RNF135: variants seen among roughly 807,000 people sequenced by gnomAD.
The protein encoded by RNF135 is E3 ubiquitin-protein ligase RNF135.
Under a neutral mutation model 41.9 loss-of-function variants are expected in RNF135, and 46 were observed. The observed-to-expected ratio is 1.10, with a 90% CI of 0.87 to 1.40. The LOEUF (loss-of-function observed/expected upper bound fraction) is 1.40. Among genes scored for constraint, RNF135 ranks in the 40% most tolerant of loss-of-function variants. The probability of loss-of-function intolerance (pLI) is 0.00; values close to 1 mark genes in which losing one functional copy is unlikely to be tolerated. For missense variants in RNF135, 539 were observed against 549.8 expected (o/e 0.98, Z 0.20); for synonymous variants, 238 against 223.8 (o/e 1.06, Z -0.57).
At chr17:30,965,373 G>GTATGTA in the RNF135 span, 1 of 151,306 alleles carries the variant, frequency 6.6e-6, no homozygotes, top group African/African-American at 2.4e-5. Flanking sequence ...ACCCAAAAAT[G>GTATGTA]TATATATATA....
intron 1 of RNF135, among the ~76,000 whole-genome samples, chr17:30,977,378 T>C (rs1906552136): frequency 6.6e-6 from 1 of 152,136 alleles, no homozygotes; most frequent in South Asian, 2.1e-4. Context: ...TTTTGTTTTG[T>C]TTTGTTTTGT....
intron 3 of RNF135, among the ~76,000 whole-genome samples, chr17:30,988,518 C>T (rs1434472507): frequency 2.1e-5 from 3 of 142,894 alleles, no homozygotes; most frequent in Non-Finnish European, 4.5e-5. Context: ...AGCTCTGCCT[C>T]CTGGGTTCAT....
chr17:30,991,398 T>G (rs1907975924), intron 3 of RNF135, among the ~76,000 whole-genome samples: 1 of 151,252 alleles, frequency 6.6e-6, no homozygotes, highest in Non-Finnish European at 1.5e-5. Flanking sequence ...ATACTGCGCG[T>G]TTTTTTTCTC....
At position 30,971,433 on chromosome 17, in the gene RNF135, G is replaced by T. The variant is rs7224960; in HGVS notation, c.360G>T (p.Pro120=). The T allele has an allele frequency of 0.041, 61,589 of 1,512,858 alleles. 15,405 individuals are homozygous for T. In the African/African-American group the frequency reaches 0.65, roughly 16 times the overall value. 93.7% of individuals were successfully genotyped at this position (1,512,858 alleles called of 1,614,324 possible). A position where few individuals can be genotyped will look rare whatever the true frequency, so the allele number is the denominator to read the frequency against. Residue 120 remains proline, a synonymous_variant, in exon 1 of 5, where the codon CCG becomes CCT. Coordinates refer to ENST00000328381, the MANE Select transcript of RNF135 (RefSeq NM_032322.4). ...CGGCCGCGAGGCCCCGGCGCCGCCC[G>T]GAACTGCAGCGGGTAGGGAGGCCGG... ...SSAAARPRRR[P]ELQRVAVEKS...
upstream of RNF135, among the ~76,000 whole-genome samples, chr17:30,966,393 ATTATTTTTTT>A (rs1567732267): frequency 1.6e-5 from 2 of 125,892 alleles, no homozygotes; most frequent in African/African-American, 1.0e-4. Flanking sequence ...GTTTTATTTT[ATTATTTTTTT>A]ATTTTATTTT....
the RNF135 span, among the ~76,000 whole-genome samples, chr17:30,963,543 C>T: frequency 1.3e-5 from 2 of 151,350 alleles, no homozygotes; most frequent in East Asian, 3.9e-4. Flanking sequence ...CTGCACACTC[C>T]AGCCTGGGTG....
At chr17:30,972,823 T>G (rs1598075637) in intron 1 of RNF135, 1 of 152,308 alleles carries the variant, frequency 6.6e-6, no homozygotes, top group Admixed American at 6.5e-5. Context: ...GTTGCCAGGC[T>G]GGAGTGTAGT....
At chr17:30,969,759 CT>C (rs757330088), upstream of RNF135, among the ~76,000 whole-genome samples, 251 of 122,626 alleles carry the variant, frequency 2.0e-3, 2 homozygotes, top group African/African-American at 3.2e-3. Context: ...TCTTTTTTTT[CT>C]TTTTTTTTTT....
chr17:30,990,279 T>C (rs1907895988), intron 3 of RNF135, among the ~76,000 whole-genome samples: 1 of 152,066 alleles, frequency 6.6e-6, no homozygotes, highest in Non-Finnish European at 1.5e-5. Context: ...TCCCAGCACT[T>C]TGTGAGGCCA....
chr17:30,985,975 T>G lies in RNF135; in HGVS notation c.516+1215T>G, dbSNP rs114036627. ...TTTCCCTCCATCACTTAGGTAATAC[T>G]TGCTCATCCTTCAGATCCTAGCTAG... On this transcript the variant is annotated intron_variant, in intron 2 of 4. Transcript: ENST00000328381. Among the ~76,000 whole-genome samples, 797 of 152,268 alleles carry G rather than the reference T, an allele frequency of 5.2e-3. 11 individuals carry two copies. The highest frequency in any genetic ancestry group is 0.018 in the African/African-American group (759 of 41,548).
At chr17:30,978,593 T>C (rs1443719148) in intron 1 of RNF135, 1 of 143,358 alleles carries the variant, frequency 7.0e-6, no homozygotes, top group Non-Finnish European at 1.5e-5. Flanking sequence ...TTATTTCTTT[T>C]TTTTATTTAT....
At chr17:30,975,836 C>T (rs2142668318) in intron 1 of RNF135, 2 of 920,568 alleles carry the variant, frequency 2.2e-6, no homozygotes, top group East Asian at 2.5e-5. Flanking sequence ...CAGAATAGTC[C>T]ATTTTGGCTG....
chr17:30,999,089 G>GT lies in RNF135; in HGVS notation c.1198dup (p.Tyr400LeufsTer2). ...CAGTGGACAATCAGGAGAAGCTTCT[G>GT]TATGAGTGTACCATCTCTGCCTCCT... is the stretch of plus-strand genomic sequence containing the variant. On this transcript the variant is annotated frameshift_variant, in exon 5 of 5. Transcript: ENST00000328381. LOFTEE classifies it high-confidence loss of function. 6.2e-7 allele frequency: 1 copy of GT among 1,614,166 alleles called. No homozygotes were observed. The highest frequency in any genetic ancestry group is 1.1e-5 in the South Asian group (1 of 91,080).
In RNF135 at chr17:30,971,251, C is replaced by A. The variant is rs772032124; in HGVS notation, c.178C>A (p.Pro60Thr). Residue 60 changes from proline to threonine, a missense_variant, in exon 1 of 5, where the codon CCC becomes ACC. Physicochemically the swap from Pro to Thr is conservative, Grantham distance 38. Coordinates refer to ENST00000328381, the MANE Select transcript of RNF135 (RefSeq NM_032322.4). ...CCGCGACGCCCGCCGCTGGGCCTGCCCCACTTGCCGCCAGGGCGCCGCGCA... is the reference window on the plus strand; with the variant it reads ...CCGCGACGCCCGCCGCTGGGCCTGCACCACTTGCCGCCAGGGCGCCGCGCA... ...GARDARRWAC[P>T]TCRQGAAQQP... The A allele has an allele frequency of 6.6e-7, 1 of 1,521,854 alleles. No individual in the cohort carries two copies. The highest frequency in any genetic ancestry group is 8.8e-7 in the Non-Finnish European group (1 of 1,140,026). The allele number at this position is 1,521,854 out of a possible 1,614,324, so 94.3% of individuals were successfully genotyped here.
At chr17:30,977,725 C>T (rs1319032260) in intron 1 of RNF135, among the ~76,000 whole-genome samples, 7 of 151,954 alleles carry the variant, frequency 4.6e-5, no homozygotes, top group African/African-American at 1.7e-4. Flanking sequence ...CCCACCACCA[C>T]GCCCGGCTAA....
chr17:30,997,608 C>T, intron 4 of RNF135: 1 of 518,180 alleles, frequency 1.9e-6, no homozygotes, highest in South Asian at 1.6e-5. Context: ...GGTATTTCTG[C>T]ATCTGTGCTG....
At chr17:30,991,857 C>T (rs1339783370) in intron 3 of RNF135, among the ~76,000 whole-genome samples, 1 of 151,606 alleles carries the variant, frequency 6.6e-6, no homozygotes, top group Non-Finnish European at 1.5e-5. Context: ...AAATTTTGTT[C>T]CTTAATATGT....
Position 30,986,895 on chromosome 17 carries a change from G to A in RNF135, c.517-1049G>A, listed in dbSNP as rs560287244. Among the ~76,000 whole-genome samples, 13 of 152,286 alleles carry A rather than the reference G, an allele frequency of 8.5e-5. No homozygotes were observed. The South Asian group carries it at 1.0e-3, about 12-fold the overall frequency. ...TGAATTTCATCTTCTTTTGTAAAAC[G>A]GAGATTTTTTACAGGTTGATAAACC... On this transcript the variant is annotated intron_variant, in intron 2 of 4. Transcript: ENST00000328381.
intron 1 of RNF135, among the ~76,000 whole-genome samples, chr17:30,976,765 T>C (rs1346141300): frequency 6.6e-6 from 1 of 152,226 alleles, no homozygotes; most frequent in African/African-American, 2.4e-5. Flanking sequence ...CTAATCCTGC[T>C]CTTTTTTGGT....
Sources: gnomAD v4.1 joint callset for allele counts (sites outside exome capture counted in the v4.1 genomes callset) on GRCh38, gnomAD v4.1.1 for gene constraint, MANE v1.5 for transcripts, NCBI Gene and HGNC (gene_info 2026-07-23, HGNC 2026-07-21) for gene names.